Variants in CCDC158 observed in about 807,000 individuals in gnomAD.
CCDC158 encodes the protein coiled-coil domain-containing protein 158.
A neutral mutation model predicts 138.6 loss-of-function variants in CCDC158; 116 were observed. That is an observed-to-expected ratio of 0.84 (90% CI 0.72 to 0.98). The LOEUF is 0.98. CCDC158 is among the 50% of genes least tolerant of loss of function. The pLI is 0.00. For missense variants in CCDC158, 1,265 were observed against 1,306.1 expected, an observed-to-expected ratio of 0.97 and a Z score of 0.48; for synonymous variants, 436 against 442.4, an observed-to-expected ratio of 0.99 and a Z score of 0.18.
chr4:76,362,062 G>T (rs1379031661), intron 13 of CCDC158, 64 bp downstream of exon 13: 2 of 1,354,396 alleles, frequency 1.5e-6, no homozygotes. Context: ...TTGTGCTAGG[G>T]TCTACATTGG....
At chr4:76,321,559 T>G (rs979331966) in intron 24 of CCDC158, among the ~76,000 whole-genome samples, 5 of 148,768 alleles carry the variant, frequency 3.4e-5, no homozygotes, top group Admixed American at 2.7e-4. Flanking sequence ...TATCTATATA[T>G]ATAGAGAGAC....
intron 21 of CCDC158, among the ~76,000 whole-genome samples, chr4:76,329,696 G>A (rs918478749): frequency 2.0e-5 from 3 of 152,080 alleles, no homozygotes; most frequent in Non-Finnish European, 2.9e-5. Flanking sequence ...CTGTGAGTTG[G>A]GTACCAATAT....
At chr4:76,338,115 G>A (rs926200149) in intron 18 of CCDC158, among the ~76,000 whole-genome samples, 39 of 152,326 alleles carry the variant, frequency 2.6e-4, no homozygotes, top group African/African-American at 9.4e-4. Context: ...GCACATGCAG[G>A]AGATCTAGGT....
At chr4:76,344,318 A>G (rs187171354) in intron 18 of CCDC158, among the ~76,000 whole-genome samples, 206 of 152,370 alleles carry the variant, frequency 1.4e-3, no homozygotes, top group Admixed American at 4.7e-3. Context: ...GACCTCTCCA[A>G]GGAAAACTAC....
chr4:76,355,193 C>T, intron 15 of CCDC158, 131 bp downstream of exon 15: 3 of 629,480 alleles, frequency 4.8e-6, no homozygotes, highest in Non-Finnish European at 8.5e-6. Context: ...GGAACTTTTC[C>T]CTTGTTCTCT....
At chr4:76,360,271 G>A (rs986570727) in intron 13 of CCDC158, among the ~76,000 whole-genome samples, 6 of 152,222 alleles carry the variant, frequency 3.9e-5, no homozygotes, top group Non-Finnish European at 7.3e-5. Context: ...TCTGCTGCAG[G>A]AGCAGAGCCC....
chr4:76,371,598 A>G, intron 9 of CCDC158, 62 bp from the exon 10 acceptor site: 1 of 1,562,298 alleles, frequency 6.4e-7, no homozygotes, highest in Non-Finnish European at 8.7e-7. Flanking sequence ...TAAAATAAAT[A>G]TAGACTTTGG....
At chr4:76,347,438 T>G (rs1211079477) in intron 18 of CCDC158, among the ~76,000 whole-genome samples, 1 of 152,112 alleles carries the variant, frequency 6.6e-6, no homozygotes, top group Non-Finnish European at 1.5e-5. Flanking sequence ...ACCATCATTC[T>G]CAGCAAACTA....
At chr4:76,359,519 C>G (rs1421393069) in intron 13 of CCDC158, among the ~76,000 whole-genome samples, 2 of 152,186 alleles carry the variant, frequency 1.3e-5, no homozygotes, top group Non-Finnish European at 2.9e-5. Context: ...CTGAAGAAGT[C>G]TCAGATGGAG....
intron 11 of CCDC158, 108 bp downstream of exon 11, chr4:76,369,318 C>T: frequency 2.2e-6 from 2 of 912,296 alleles, no homozygotes; most frequent in Non-Finnish European, 3.1e-6. Flanking sequence ...TTTTAGGAGC[C>T]ATTTTAGGTC....
At chr4:76,318,020 G>GAA (rs1719571288) in intron 24 of CCDC158, among the ~76,000 whole-genome samples, 2 of 152,076 alleles carry the variant, frequency 1.3e-5, no homozygotes, top group Admixed American at 1.3e-4. Flanking sequence ...GTGCTAAAAG[G>GAA]AAAGTTAATA....
chr4:76,400,692 A>T (rs995682749), intron 3 of CCDC158, among the ~76,000 whole-genome samples: 1 of 150,894 alleles, frequency 6.6e-6, no homozygotes, highest in Non-Finnish European at 1.5e-5. Context: ...AAGATTTCTT[A>T]GCAGCATCCA....
chr4:76,371,562 G>A, intron 9 of CCDC158, 26 bp from the exon 10 acceptor site: 4 of 1,612,570 alleles, frequency 2.5e-6, no homozygotes, highest in Non-Finnish European at 3.4e-6. Context: ...AAATTGAACA[G>A]TGTCTGATTA....
At chr4:76,414,803 C>T (rs755010209) in intron 1 of CCDC158, among the ~76,000 whole-genome samples, 36 of 152,176 alleles carry the variant, frequency 2.4e-4, no homozygotes, top group African/African-American at 7.0e-4. Flanking sequence ...CCTCCCCAGC[C>T]GTGTGGAACT....
At chr4:76,351,196 T>A in intron 17 of CCDC158, 75 bp from the exon 18 acceptor site, 5 of 1,410,716 alleles carry the variant, frequency 3.5e-6, no homozygotes, top group Non-Finnish European at 4.8e-6. Context: ...CAAAATGTAT[T>A]TTTTGATTTC....
At chr4:76,383,999 T>C in intron 6 of CCDC158, 89 bp downstream of exon 6, 1 of 1,002,922 alleles carries the variant, frequency 1.0e-6, no homozygotes, top group Non-Finnish European at 1.4e-6. Context: ...ACTTGGCTTA[T>C]TTTAAGAATT....
rs1053401057 is a variant in CCDC158 at position 76,379,878 on chromosome 4, A to T, written c.915-474T>A. On this transcript the variant is annotated intron_variant, in intron 8 of 24. Transcript: ENST00000682701. ...TGGGAGGTGATTGGACTGTGGGGGC[A>T]GATTTCCCCCATACTGTTCTCATGA... Among the ~76,000 whole-genome samples the T allele has an allele frequency of 2.6e-5, 4 of 152,170 alleles. No individual in the cohort carries two copies. The South Asian group carries it at 6.2e-4, about 24-fold the overall frequency.
At chr4:76,392,535 C>G (rs987465326) in intron 4 of CCDC158, among the ~76,000 whole-genome samples, 3 of 151,930 alleles carry the variant, frequency 2.0e-5, no homozygotes, top group African/African-American at 7.2e-5. Flanking sequence ...TAGTATCATA[C>G]TGAAGGGAGA....
chr4:76,340,366 G>A (rs79438017), intron 18 of CCDC158, among the ~76,000 whole-genome samples: 9,864 of 152,220 alleles, frequency 0.065, 456 homozygotes, highest in Middle Eastern at 0.099. Flanking sequence ...GAATGGATCC[G>A]TCACCCATTT....
Sources: allele counts gnomAD v4.1 joint callset (sites outside exome capture counted in the v4.1 genomes callset), GRCh38; gene constraint gnomAD v4.1.1; transcripts MANE v1.5; gene names NCBI Gene and HGNC (gene_info 2026-07-23, HGNC 2026-07-21).